The following LDLRAD3 variants were observed in gnomAD, a reference collection of about 807,000 sequenced individuals.
The protein encoded by LDLRAD3 is low-density lipoprotein receptor class A domain-containing protein 3.
In LDLRAD3, 20 loss-of-function variants were observed where a neutral mutation model predicts 29.4. The observed-to-expected ratio is 0.68, with a 90% confidence interval of 0.48 to 0.99. The LOEUF is 0.99. LDLRAD3 is among the 50% of genes least tolerant of loss of function. The pLI is 0.00. For missense variants in LDLRAD3, 420 were observed against 454.3 expected (o/e 0.92, Z 0.69); for synonymous variants, 157 against 192.7 (o/e 0.81, Z 1.53).
intron 4 of LDLRAD3, among the ~76,000 whole-genome samples, chr11:36,191,825 T>C (rs1449111312): frequency 6.6e-6 from 1 of 151,984 alleles, no homozygotes; most frequent in African/African-American, 2.4e-5. Flanking sequence ...GTTGTTCATC[T>C]GTAGCATTTT....
intron 4 of LDLRAD3, among the ~76,000 whole-genome samples, chr11:36,141,669 T>C (rs1854088813): frequency 6.6e-6 from 1 of 152,188 alleles, no homozygotes; most frequent in African/African-American, 2.4e-5. Context: ...GGATGTACGC[T>C]AACCCATATA....
At chr11:36,055,034 G>A (rs1290138180) in intron 2 of LDLRAD3, among the ~76,000 whole-genome samples, 4 of 13,150 alleles carry the variant, frequency 3.0e-4, no homozygotes, top group East Asian at 4.2e-3. Context: ...TGAATGGATG[G>A]ATGGATGCAT....
At chr11:36,131,143 ATGCCTGTAAGGCTCATGCCTTGAGAGGC>A (rs1368413271) in intron 4 of LDLRAD3, among the ~76,000 whole-genome samples, 1 of 152,236 alleles carries the variant, frequency 6.6e-6, no homozygotes, top group East Asian at 1.9e-4. Context: ...ACAGTGGCTC[ATGCCTGTAAGGCTCATGCCTTGAGAGGC>A]TTTCCCTGTT....
At chr11:35,964,465 A>G (rs535679928) in intron 1 of LDLRAD3, among the ~76,000 whole-genome samples, 2 of 152,180 alleles carry the variant, frequency 1.3e-5, no homozygotes, top group East Asian at 1.9e-4. Flanking sequence ...CCAGCTTAGA[A>G]CTTGGGGTTT....
intron 1 of LDLRAD3, among the ~76,000 whole-genome samples, chr11:35,989,636 T>A (rs72936950): frequency 0.039 from 5,952 of 152,232 alleles, 148 homozygotes; most frequent in Middle Eastern, 0.078. Flanking sequence ...TGGTTAGGTA[T>A]GTATTTTATT....
intron 4 of LDLRAD3, among the ~76,000 whole-genome samples, chr11:36,202,451 C>G (rs1222666922): frequency 6.6e-6 from 1 of 152,202 alleles, no homozygotes; most frequent in East Asian, 1.9e-4. Context: ...GCCAGAGATG[C>G]TGACCACTTG....
At chr11:36,151,737 A>C (rs1359940299) in intron 4 of LDLRAD3, among the ~76,000 whole-genome samples, 1 of 152,216 alleles carries the variant, frequency 6.6e-6, no homozygotes, top group Non-Finnish European at 1.5e-5. Context: ...CAGTGTCTGT[A>C]GTAGAGACCC....
At chr11:36,141,022 C>CTCTCTCTCTCTCTCTCTCTT (rs1341360426) in intron 4 of LDLRAD3, among the ~76,000 whole-genome samples, 1 of 151,210 alleles carries the variant, frequency 6.6e-6, no homozygotes, top group African/African-American at 2.4e-5. Context: ...CTCTCTCTCT[C>CTCTCTCTCTCTCTCTCTCTT]TCTCTCTCTC....
rs1313828853 is a variant in LDLRAD3, at chr11:36,171,163, ATTGT to A, written c.455-55918_455-55915del. ...AGATTATTTGTTTTTTTCTTGCTGAATTGTTTGAGTCCCTTGTAGATTCTCGATA... is the reference window on the plus strand; with the variant it reads ...AGATTATTTGTTTTTTTCTTGCTGAATTGAGTCCCTTGTAGATTCTCGATA... On this transcript the variant is annotated intron_variant, in intron 4 of 5. Transcript: ENST00000315571. Among the ~76,000 whole-genome samples the A allele has an allele frequency of 9.9e-5, 15 of 152,050 alleles. 1 individual carries two copies. Among genetic ancestry groups the A allele is most frequent in the Middle Eastern group, 3.4e-3 (1 of 294 alleles).
At chr11:35,980,133 A>G (rs768229274) in intron 1 of LDLRAD3, among the ~76,000 whole-genome samples, 11 of 152,232 alleles carry the variant, frequency 7.2e-5, no homozygotes, top group Non-Finnish European at 1.2e-4. Flanking sequence ...AGTTTGCATA[A>G]TGCTGATTAT....
intron 2 of LDLRAD3, among the ~76,000 whole-genome samples, chr11:36,037,455 C>T (rs1852318955): frequency 6.6e-6 from 1 of 152,014 alleles, no homozygotes. Flanking sequence ...AGCTGGAGTA[C>T]AGGCACCCAC....
chr11:35,970,698 G>T (rs1367160454), intron 1 of LDLRAD3, among the ~76,000 whole-genome samples: 2 of 152,178 alleles, frequency 1.3e-5, no homozygotes, highest in Admixed American at 1.3e-4. Context: ...GTTCATAAGT[G>T]GAGACAGACA....
At chr11:36,060,566 T>C in intron 2 of LDLRAD3, among the ~76,000 whole-genome samples, 1 of 152,090 alleles carries the variant, frequency 6.6e-6, no homozygotes, top group East Asian at 1.9e-4. Flanking sequence ...CTTTGTAGGA[T>C]TGGGATTCAG....
At chr11:36,103,344 TCTCCTGCCTCAGC>T (rs937831517) in intron 4 of LDLRAD3, among the ~76,000 whole-genome samples, 3 of 151,490 alleles carry the variant, frequency 2.0e-5, no homozygotes, top group African/African-American at 7.3e-5. Context: ...TTCACACCAT[TCTCCTGCCTCAGC>T]CTCCAGAGTA....
At chr11:36,157,715 G>A (rs1854374981) in intron 4 of LDLRAD3, among the ~76,000 whole-genome samples, 1 of 152,208 alleles carries the variant, frequency 6.6e-6, no homozygotes, top group South Asian at 2.1e-4. Flanking sequence ...GCCCCTGGGT[G>A]GGAAGCAGGG....
intron 1 of LDLRAD3, among the ~76,000 whole-genome samples, chr11:36,032,108 C>T (rs1852242413): frequency 6.6e-6 from 1 of 152,156 alleles, no homozygotes; most frequent in South Asian, 2.1e-4. Context: ...TTAGGGCCCA[C>T]CCTAATGCCA....
rs1363051025 is a variant in LDLRAD3 at position 36,107,078 on chromosome 11, A to G, written c.454+8617A>G. Among the ~76,000 whole-genome samples, 3 of 152,238 alleles carry G rather than the reference A, an allele frequency of 2.0e-5. No individual in the cohort carries two copies. The East Asian group carries it at 5.8e-4, about 29-fold the overall frequency. ...AGAGCCACAGCCAGCCTGCAGATCC[A>G]GGAGAAGCCAGTGAATCTTTGCTGT... is the stretch of plus-strand genomic sequence containing the variant. On this transcript the variant is annotated intron_variant, in intron 4 of 5. Transcript: ENST00000315571.
chr11:36,038,222 A>G (rs913669327), intron 2 of LDLRAD3, among the ~76,000 whole-genome samples: 1 of 152,088 alleles, frequency 6.6e-6, no homozygotes, highest in Non-Finnish European at 1.5e-5. Flanking sequence ...TTATTTTTTA[A>G]AAGTATTATT....
At chr11:36,171,507 A>G (rs1013332995) in intron 4 of LDLRAD3, among the ~76,000 whole-genome samples, 15 of 152,156 alleles carry the variant, frequency 9.9e-5, no homozygotes, top group African/African-American at 3.4e-4. Context: ...TCATTCTTTT[A>G]CATGAGGCTT....
Sources: gnomAD v4.1 joint callset for allele counts (sites outside exome capture counted in the v4.1 genomes callset) on GRCh38, gnomAD v4.1.1 for gene constraint, MANE v1.5 for transcripts, NCBI Gene and HGNC (gene_info 2026-07-23, HGNC 2026-07-21) for gene names.